Variants in CDAN1 observed in about 807,000 individuals in gnomAD.
The protein encoded by CDAN1 is codanin 1.
A neutral mutation model predicts 139.8 loss-of-function variants in CDAN1; 107 were observed. The observed-to-expected ratio is 0.77, with a 90% CI of 0.65 to 0.90. The LOEUF is 0.90. CDAN1 is among the 40% of genes least tolerant of loss of function. The probability of loss-of-function intolerance (pLI) is 0.00; values close to 1 mark genes in which losing one functional copy is unlikely to be tolerated. For synonymous variants in CDAN1, 776 were observed against 660.6 expected, an observed-to-expected ratio of 1.17 and a Z score of -2.68; for missense variants, 1,667 against 1,575.7, an observed-to-expected ratio of 1.06 and a Z score of -0.98.
chr15:42,727,881 C>T, intron 22 of CDAN1, 74 bp downstream of exon 22: 7 of 1,599,624 alleles, frequency 4.4e-6, no homozygotes, highest in Non-Finnish European at 6.0e-6. Flanking sequence ...CCATCGCCCA[C>T]AAGATGCCTC....
chr15:42,731,721 C>T lies in CDAN1; in HGVS notation c.1638G>A (p.Gln546=), dbSNP rs2061614094. The T allele has an allele frequency of 2.5e-6, 4 of 1,614,142 alleles. No individual in the cohort carries two copies. Among genetic ancestry groups the T allele is most frequent in the East Asian group, 2.2e-5 (1 of 44,860 alleles). ...TGCTCTGAGGAGCCATAAGCCGTTC[C>T]TGTAGGCGCCACAACCGCCCCAGCT... ...ADKLGRLWRL[Q]ERLMAPQSSG... The change falls in exon 11 of 28, where the codon CAG becomes CAA. Residue 546 remains glutamine (Q), a synonymous_variant. Coordinates refer to ENST00000356231, the MANE Select transcript of CDAN1 (RefSeq NM_138477.4).
At position 42,736,784 on chromosome 15, in the gene CDAN1, G is replaced by A. The variant is rs2061694682; in HGVS notation, c.91-4C>T. ...CGGCCGCCTCCCCAGCGTTATCCTA[G>A]GGCAGAAGCACAGGTGGAGGGGCGA... is the stretch of plus-strand genomic sequence containing the variant. On this transcript the variant is annotated splice_polypyrimidine_tract_variant and splice_region_variant and intron_variant, in intron 1 of 27. Transcript: ENST00000356231. The A allele has an allele frequency of 1.3e-6, 2 of 1,531,092 alleles. No individual in the cohort carries two copies. Among genetic ancestry groups the A allele is most frequent in the Non-Finnish European group, 1.7e-6 (2 of 1,145,838 alleles). 94.8% of individuals were successfully genotyped at this position (1,531,092 alleles called of 1,614,324 possible).
At position 42,733,989 on chromosome 15, in the gene CDAN1, T is replaced by C; in HGVS notation, c.1316A>G (p.Asn439Ser). 1.2e-6 allele frequency: 2 copies of C among 1,614,184 alleles called. No individual in the cohort carries two copies. Among genetic ancestry groups the C allele is most frequent in the Non-Finnish European group, 1.7e-6 (2 of 1,180,012 alleles). ...TCGGTCACTGGAGAAGTTGGCACGATTGTCAGTCTCTGGCTGAAAGGAGAC... is the reference window on the plus strand; with the variant it reads ...TCGGTCACTGGAGAAGTTGGCACGACTGTCAGTCTCTGGCTGAAAGGAGAC... ...QAVSFQPETD[N>S]RANFSSDRAF... Residue 439 changes from asparagine to serine, a missense_variant, in exon 8 of 28, where the codon AAT becomes AGT. By Grantham distance (46) the Asn-to-Ser change is conservative. Coordinates refer to ENST00000356231, the MANE Select transcript of CDAN1 (RefSeq NM_138477.4).
chr15:42,732,658 A>G (rs1179347724), intron 9 of CDAN1, among the ~76,000 whole-genome samples: 1 of 152,142 alleles, frequency 6.6e-6, no homozygotes, highest in Non-Finnish European at 1.5e-5. Flanking sequence ...CTTCAGCCAC[A>G]CTAACAGGCG....
At chr15:42,733,644 A>G (rs1001502056) in intron 8 of CDAN1, among the ~76,000 whole-genome samples, 1 of 152,222 alleles carries the variant, frequency 6.6e-6, no homozygotes, top group Non-Finnish European at 1.5e-5. Flanking sequence ...CCAGCAGCAC[A>G]TTACAGGCTT....
intron 27 of CDAN1, 160 bp from the exon 28 acceptor site, chr15:42,724,776 T>C (rs2061500561): frequency 2.1e-6 from 2 of 973,040 alleles, no homozygotes; most frequent in Non-Finnish European, 3.1e-6. Flanking sequence ...GTTAGTACTC[T>C]GGGAGGCTGA....
In CDAN1 at chr15:42,729,275, G is replaced by C. The variant is rs1334453327; in HGVS notation, c.2495C>G (p.Thr832Ser). The C allele has an allele frequency of 6.2e-7, 1 of 1,613,914 alleles. No homozygotes were observed. The highest frequency in any genetic ancestry group is 1.1e-5 in the South Asian group (1 of 91,064). ...GFMRKITPTT[T>S]TSLGAQPSQT... ...GGAAGGCTGGGCTCCCAGGCTGGTGGTAGTGGTGGGGGTGATTTTCCTCAT... is the reference window on the plus strand; with the variant it reads ...GGAAGGCTGGGCTCCCAGGCTGGTGCTAGTGGTGGGGGTGATTTTCCTCAT... The change falls in exon 18 of 28, where the codon ACC becomes AGC. Residue 832 changes from threonine (T) to serine (S), a missense_variant. Around this residue, in one of 3 missense-constraint regions of CDAN1, gnomAD observed 936 missense variants for 844.1 expected, o/e 1.11. Coordinates refer to ENST00000356231, the MANE Select transcript of CDAN1 (RefSeq NM_138477.4).
intron 9 of CDAN1, among the ~76,000 whole-genome samples, chr15:42,732,717 G>A (rs2061630327): frequency 6.6e-6 from 1 of 152,180 alleles, no homozygotes; most frequent in Non-Finnish European, 1.5e-5. Flanking sequence ...TGAGGTTCGC[G>A]TTCTGAGCCC....
At chr15:42,725,412 G>C (rs1010571535) in intron 26 of CDAN1, 77 bp downstream of exon 26, 2 of 1,563,208 alleles carry the variant, frequency 1.3e-6, no homozygotes, top group African/African-American at 2.7e-5. Flanking sequence ...AGGATGCAGA[G>C]CAGCTCATAG....
rs534607873 is a variant in CDAN1, at chr15:42,729,868, C to T, written c.2280G>A (p.Glu760=). The T allele has an allele frequency of 1.9e-6, 3 of 1,613,540 alleles. No homozygotes were observed. ...GWLFQIPTVP[E]DLFFLEEGPS... is the part of the protein sequence containing the mutation. ...GACCCTCTTCCAGAAAGAACAAGTC[C>T]TCAGGGACTGTGGGAATCTGGCAAG... Residue 760 remains glutamate, a synonymous_variant, in exon 16 of 28, where the codon GAG becomes GAA. Transcript: ENST00000356231.
chr15:42,727,792 G>T, intron 22 of CDAN1, 23 bp from the exon 23 acceptor site: 1 of 1,607,746 alleles, frequency 6.2e-7, no homozygotes. Flanking sequence ...GGGAGAATGG[G>T]AAAGGAATCA....
rs549177812 is a variant in CDAN1, at chr15:42,724,224, A to G, written c.*267T>C. On this transcript the variant is annotated 3_prime_UTR_variant, in exon 28 of 28. Coordinates refer to ENST00000356231, the MANE Select transcript of CDAN1 (RefSeq NM_138477.4). ...GCCCACACACCTCATTTCATTTAGT[A>G]TCCAAGAGATAAACAAACACCACCT... 3 of 469,000 alleles carry G rather than the reference A, an allele frequency of 6.4e-6. No homozygotes were observed. The highest frequency in any genetic ancestry group is 5.9e-5 in the African/African-American group (3 of 50,836). The allele number at this position is 469,000 out of a possible 1,614,324, so 29.1% of individuals were successfully genotyped here. A position where few individuals can be genotyped will look rare whatever the true frequency, so the allele number is the denominator to read the frequency against.
chr15:42,729,027 T>A lies in CDAN1; in HGVS notation c.2641A>T (p.Ile881Phe). 1 of 1,613,968 alleles carries A rather than the reference T, an allele frequency of 6.2e-7. No homozygotes were observed. Among genetic ancestry groups the A allele is most frequent in the Non-Finnish European group, 8.5e-7 (1 of 1,179,820 alleles). The part of the protein sequence containing the change: ...ERIGSNCVKH[I>F]KATLVADLVR... ...GGATCCTTAACCCACTCTTACTTGA[T>A]ATGTTTGACACAGTTTGATCCAATT... Residue 881 changes from isoleucine (I) to phenylalanine (F), a missense_variant, in exon 19 of 28, where the codon ATC becomes TTC. Ile to Phe is a conservative substitution (Grantham distance 21). Transcript: ENST00000356231.
intron 10 of CDAN1, among the ~76,000 whole-genome samples, chr15:42,732,123 G>T (rs1221433993): frequency 6.6e-6 from 1 of 152,222 alleles, no homozygotes; most frequent in Non-Finnish European, 1.5e-5. Context: ...CAGGCTAGAG[G>T]AGCTGCAGGG....
intron 24 of CDAN1, 28 bp downstream of exon 24, chr15:42,726,282 C>T: frequency 6.3e-7 from 1 of 1,587,834 alleles, no homozygotes; most frequent in Non-Finnish European, 8.6e-7. Context: ...CAGAAAAAAG[C>T]CCCCCGGTGG....
chr15:42,735,710 A>C, intron 3 of CDAN1, 31 bp from the exon 4 acceptor site: 1 of 1,612,952 alleles, frequency 6.2e-7, no homozygotes, highest in Middle Eastern at 1.7e-4. Context: ...ATGAGCAGTC[A>C]GCTTGGCTTC....
Position 42,734,251 on chromosome 15 carries a change from G to T in CDAN1, c.1232C>A (p.Ala411Asp). The T allele has an allele frequency of 6.2e-7, 1 of 1,614,110 alleles. No homozygotes were observed. The highest frequency in any genetic ancestry group is 8.5e-7 in the Non-Finnish European group (1 of 1,180,050). Residue 411 changes from alanine to aspartate, a missense_variant, in exon 7 of 28, where the codon GCT (alanine) becomes GAT (aspartate). Ala to Asp is a moderately radical substitution (Grantham distance 126, BLOSUM62 -2). This residue lies in a region of CDAN1 where 244 missense variants were observed against 309.4 expected (regional missense o/e 0.79). Transcript: ENST00000356231. The stretch of plus-strand genomic sequence containing the variant: ...CTTGGCAACACTGCCCTCATAGGCA[G>T]CTCGAAGGCGGCCTTGCAGAGCTGG... ...FSPALQGRLR[A>D]AYEGSVAKVS...
Position 42,724,578 on chromosome 15 carries a change from A to T in CDAN1, c.3597T>A (p.Phe1199Leu), listed in dbSNP as rs370906448. ...AEELATLSNL[F>L]LAEPHLPEPQ... The stretch of plus-strand genomic sequence containing the variant: ...GTTCTGGCAGGTGGGGCTCGGCTAG[A>T]AACAGATTAGACAGTGTTGCTAATT... The change falls in exon 28 of 28, where the codon TTT becomes TTA. Residue 1199 changes from phenylalanine (F) to leucine (L), a missense_variant. Phe to Leu is a conservative substitution (Grantham distance 22). Around this residue, in one of 3 missense-constraint regions of CDAN1, gnomAD observed 936 missense variants for 844.1 expected, o/e 1.11. Coordinates refer to ENST00000356231, the MANE Select transcript of CDAN1 (RefSeq NM_138477.4). 1 of 1,552,806 alleles carries T rather than the reference A, an allele frequency of 6.4e-7. No individual in the cohort carries two copies.
In CDAN1 at chr15:42,735,174, G is replaced by A; in HGVS notation, c.1062C>T (p.Ser354=). 1 of 1,613,334 alleles carries A rather than the reference G, an allele frequency of 6.2e-7. No individual in the cohort carries two copies. The change falls in exon 6 of 28, where the codon TCC becomes TCT. Residue 354 remains serine (S), a synonymous_variant. Coordinates refer to ENST00000356231, the MANE Select transcript of CDAN1 (RefSeq NM_138477.4). ...TGCTTTGGAACAGTGGACTTTCCAG[G>A]GAATCTAGAAGGACAGTACCAAGCT... ...DPELSPAVLD[S]LESPLFQSIH...
Sources: allele counts gnomAD v4.1 joint callset (sites outside exome capture counted in the v4.1 genomes callset), GRCh38; gene constraint gnomAD v4.1.1; regional missense constraint gnomAD v4.1.1; transcripts MANE v1.5; gene names NCBI Gene and HGNC (gene_info 2026-07-23, HGNC 2026-07-21).